Variants in TSEN15 observed in about 807,000 individuals in gnomAD.
TSEN15 encodes tRNA splicing endonuclease subunit 15, also known as tRNA-splicing endonuclease subunit Sen15.
TSEN15 carries 10 observed loss-of-function variants against 20.5 expected under a neutral mutation model. The ratio of observed to expected loss-of-function variants is 0.49; its 90% CI spans 0.30 to 0.83. The LOEUF (loss-of-function observed/expected upper bound fraction) is 0.83. TSEN15 is among the 40% of genes least tolerant of loss of function. The pLI is 0.06. For synonymous variants in TSEN15, 72 were observed against 80.1 expected (o/e 0.90, Z 0.54); for missense variants, 180 against 218.6 (o/e 0.82, Z 1.11).
rs371491784 is a variant in TSEN15 at position 184,072,020 on chromosome 1, T to A, written c.354-137T>A. ...ATACCAGAAGACTCTGATGTTATTT[T>A]TTAAAATTATTTTTTCTCTTTTTAC... On this transcript the variant is annotated intron_variant, in intron 3 of 4. Transcript: ENST00000645668. The A allele has an allele frequency of 2.4e-3, 1,858 of 769,316 alleles. 4 individuals are homozygous for A. Among genetic ancestry groups the A allele is most frequent in the Non-Finnish European group, 3.3e-3 (1,705 of 510,430 alleles). 47.7% of individuals were successfully genotyped at this position (769,316 alleles called of 1,614,324 possible).
At chr1:184,092,903 T>G (rs758177567) in intron 3 of TSEN15, among the ~76,000 whole-genome samples, 83 of 152,314 alleles carry the variant, frequency 5.4e-4, no homozygotes, top group Non-Finnish European at 1.0e-3. Flanking sequence ...ACTGCTTGTT[T>G]TTATTGTCTC....
intron 3 of TSEN15, among the ~76,000 whole-genome samples, chr1:184,088,697 T>C (rs199735409): frequency 1.6e-5 from 2 of 123,102 alleles, no homozygotes; most frequent in East Asian, 4.1e-4. Context: ...TCTACTTACA[T>C]TTCCTATTGT....
chr1:184,077,103 A>G (rs143216528), downstream of TSEN15, among the ~76,000 whole-genome samples: 470 of 152,258 alleles, frequency 3.1e-3, 2 homozygotes, highest in African/African-American at 7.4e-3. Flanking sequence ...TAGGACTTTC[A>G]TGGCTAGAAA....
chr1:184,063,852 A>G (rs930534569), intron 3 of TSEN15, among the ~76,000 whole-genome samples: 1 of 151,762 alleles, frequency 6.6e-6, no homozygotes, highest in Admixed American at 6.6e-5. Flanking sequence ...TGTAGGGAAA[A>G]TTAAAAATTT....
In TSEN15 at chr1:184,054,340, A is replaced by G. The variant is rs1650161865; in HGVS notation, c.136-14A>G. The stretch of plus-strand genomic sequence containing the variant: ...TTTTTCTTCTCAATTTGACAATTAT[A>G]TTTTAATTTTCAGTATCTAGAAATG... On this transcript the variant is annotated splice_polypyrimidine_tract_variant and intron_variant, in intron 1 of 4. Transcript: ENST00000645668. 6.8e-7 allele frequency: 1 copy of G among 1,473,130 alleles called. No homozygotes were observed. Among genetic ancestry groups the G allele is most frequent in the Non-Finnish European group, 9.4e-7 (1 of 1,066,898 alleles). The allele number at this position is 1,473,130 out of a possible 1,614,324, so 91.3% of individuals were successfully genotyped here.
At chr1:184,069,009 A>C (rs6675689) in intron 3 of TSEN15, among the ~76,000 whole-genome samples, 106,713 of 151,482 alleles carry the variant, frequency 0.7, 38,059 homozygotes, top group African/African-American at 0.81. Flanking sequence ...ATTACTTAGT[A>C]TCTGTTTCAG....
chr1:184,059,085 C>G (rs958010439), intron 3 of TSEN15, among the ~76,000 whole-genome samples: 10 of 149,146 alleles, frequency 6.7e-5, no homozygotes, highest in African/African-American at 9.9e-5. Context: ...AACAGAATTG[C>G]CCTTTGTTCA....
chr1:184,065,897 G>A (rs1482669795), intron 3 of TSEN15, among the ~76,000 whole-genome samples: 1 of 152,108 alleles, frequency 6.6e-6, no homozygotes, highest in Non-Finnish European at 1.5e-5. Context: ...TTGAATGCAA[G>A]TCCTTTATCA....
chr1:184,062,480 A>G (rs1407592060), intron 3 of TSEN15, among the ~76,000 whole-genome samples: 1 of 152,150 alleles, frequency 6.6e-6, no homozygotes, highest in Non-Finnish European at 1.5e-5. Context: ...TTCAGTGCTA[A>G]GATTGCAAAT....
Position 184,051,801 on chromosome 1 carries a change from C to T in TSEN15, c.46C>T (p.Leu16=). The part of the protein sequence containing the change: ...DSEPTPGCSG[L]GPGGVRGFGD... Reference sequence around the variant, plus strand: ...CGAGCCGACCCCCGGCTGCAGCGGCCTGGGTCCGGGCGGTGTTCGCGGCTT... The same window carrying T: ...CGAGCCGACCCCCGGCTGCAGCGGCTTGGGTCCGGGCGGTGTTCGCGGCTT... The change falls in exon 1 of 5, where the codon CTG becomes TTG. Residue 16 remains leucine, a synonymous_variant. Transcript: ENST00000645668. 1 of 1,532,204 alleles carries T rather than the reference C, an allele frequency of 6.5e-7. No homozygotes were observed. Among genetic ancestry groups the T allele is most frequent in the Non-Finnish European group, 8.8e-7 (1 of 1,139,828 alleles). 94.9% of individuals were successfully genotyped at this position (1,532,204 alleles called of 1,614,324 possible). A position where few individuals can be genotyped will look rare whatever the true frequency, so the allele number is the denominator to read the frequency against.
At chr1:184,061,606 G>A (rs914385625) in intron 3 of TSEN15, among the ~76,000 whole-genome samples, 9 of 152,126 alleles carry the variant, frequency 5.9e-5, no homozygotes, top group African/African-American at 2.2e-4. Flanking sequence ...TAGTCCCACT[G>A]TTTCAGTCAC....
At chr1:184,070,205 T>A (rs754945916) in intron 3 of TSEN15, among the ~76,000 whole-genome samples, 2 of 152,026 alleles carry the variant, frequency 1.3e-5, no homozygotes, top group Non-Finnish European at 2.9e-5. Flanking sequence ...CTATATGGGC[T>A]ACAATTCCCA....
chr1:184,097,186 G>A (rs1018682424), exon 4 of TSEN15: 1 of 152,088 alleles, frequency 6.6e-6, no homozygotes, highest in African/African-American at 2.4e-5. Flanking sequence ...ATAAAGAGGG[G>A]GAACAATATG....
intron 3 of TSEN15, among the ~76,000 whole-genome samples, chr1:184,061,007 T>TC (rs986901376): frequency 1.3e-5 from 2 of 151,878 alleles, no homozygotes; most frequent in South Asian, 2.1e-4. Flanking sequence ...TAATCTTTCT[T>TC]CCCCCCCAAA....
At chr1:184,066,328 T>C (rs1052748192) in intron 3 of TSEN15, among the ~76,000 whole-genome samples, 1 of 152,114 alleles carries the variant, frequency 6.6e-6, no homozygotes, top group African/African-American at 2.4e-5. Context: ...TCTATTCCAT[T>C]GACCTATTCA....
At chr1:184,097,442 C>T (rs1651475419) in exon 4 of TSEN15, 1 of 152,210 alleles carries the variant, frequency 6.6e-6, no homozygotes, top group South Asian at 2.1e-4. Context: ...GAATCCCTTG[C>T]TTTTTATTCC....
chr1:184,074,374 G>A (rs1461580879), downstream of TSEN15, among the ~76,000 whole-genome samples: 1 of 152,110 alleles, frequency 6.6e-6, no homozygotes, highest in Non-Finnish European at 1.5e-5. Context: ...CAAGGTGTTG[G>A]GCAGGGCTCC....
rs150046782 is a variant in TSEN15, at chr1:184,060,816, T to G, written c.353+5953T>G. On this transcript the variant is annotated intron_variant, in intron 3 of 4. Transcript: ENST00000645668. The stretch of plus-strand genomic sequence containing the variant: ...CACAGCTATTAGAGTTTCTCTTGCT[T>G]TATTGGTTTTTAAAAAGATTTTATT... Among the ~76,000 whole-genome samples the G allele has an allele frequency of 5.6e-3, 858 of 152,276 alleles. 6 individuals carry two copies. The highest frequency in any genetic ancestry group is 0.019 in the African/African-American group (810 of 41,544).
In TSEN15 at chr1:184,054,711, C is replaced by CA. The variant is rs1650179586; in HGVS notation, c.218-15dup. 1 of 1,609,182 alleles carries CA rather than the reference C, an allele frequency of 6.2e-7. No individual in the cohort carries two copies. Among genetic ancestry groups the CA allele is most frequent in the African/African-American group, 1.3e-5 (1 of 74,848 alleles). ...TATTTAATAAACATTATTGTCCATT[C>CA]AATGATGCTCTTTCAGGCAAAAGCT... On this transcript the variant is annotated splice_polypyrimidine_tract_variant and intron_variant, in intron 2 of 4. Coordinates refer to ENST00000645668, the MANE Select transcript of TSEN15 (RefSeq NM_052965.4).
Sources: allele counts gnomAD v4.1 joint callset (sites outside exome capture counted in the v4.1 genomes callset), GRCh38; gene constraint gnomAD v4.1.1; transcripts MANE v1.5; gene names NCBI Gene and HGNC (gene_info 2026-07-23, HGNC 2026-07-21).